The following NPFFR2 variants were observed in gnomAD, a reference collection of about 807,000 sequenced individuals.
NPFFR2 encodes G-protein coupled receptor 74.
Under a neutral mutation model 13.1 loss-of-function variants are expected in NPFFR2, and 15 were observed. The ratio of observed to expected loss-of-function variants is 1.15; its 90% CI spans 0.77 to 1.76. The LOEUF (loss-of-function observed/expected upper bound fraction) is 1.76. Ranked by LOEUF, NPFFR2 falls within the 40% of genes most tolerant of loss-of-function variation. NPFFR2 has a pLI of 0.00. For synonymous variants in NPFFR2, 190 were observed against 175.7 expected, an observed-to-expected ratio of 1.08 and a Z score of -0.65; for missense variants, 572 against 503.5, an observed-to-expected ratio of 1.14 and a Z score of -1.30.
At chr4:72,070,634 T>A (rs1172713032) in intron 1 of NPFFR2, among the ~76,000 whole-genome samples, 2 of 150,904 alleles carry the variant, frequency 1.3e-5, no homozygotes, top group Admixed American at 6.6e-5. Flanking sequence ...GTGATAGTTA[T>A]TTTATCAGAC....
chr4:72,136,942 T>C (rs1031889921), intron 2 of NPFFR2, among the ~76,000 whole-genome samples: 4 of 152,228 alleles, frequency 2.6e-5, no homozygotes, highest in Non-Finnish European at 5.9e-5. Context: ...CCTACACCTA[T>C]CATTTCAGTG....
intron 1 of NPFFR2, among the ~76,000 whole-genome samples, chr4:72,098,460 GAGT>G (rs2109807675): frequency 7.5e-5 from 1 of 13,356 alleles, no homozygotes; most frequent in African/African-American, 8.2e-5. Flanking sequence ...AAAATATTAT[GAGT>G]TTTTTTTGTC....
intron 1 of NPFFR2, among the ~76,000 whole-genome samples, chr4:72,032,780 C>A (rs921497460): frequency 1.3e-5 from 2 of 152,112 alleles, no homozygotes; most frequent in Non-Finnish European, 2.9e-5. Context: ...AACCATCAGG[C>A]ATTTTCCAAC....
chr4:72,128,541 TG>T, intron 1 of NPFFR2, 43 bp from the exon 2 acceptor site: 1 of 1,222,704 alleles, frequency 8.2e-7, no homozygotes, highest in Non-Finnish European at 1.2e-6. Flanking sequence ...TATGCTTTAC[TG>T]GTTCCTAATT....
intron 1 of NPFFR2, among the ~76,000 whole-genome samples, chr4:72,050,776 A>T (rs1395376566): frequency 2.2e-4 from 7 of 31,862 alleles, no homozygotes; most frequent in Non-Finnish European, 4.6e-4. Context: ...CCCCCACCCC[A>T]CAACAGTCCC....
intron 1 of NPFFR2, among the ~76,000 whole-genome samples, chr4:72,043,313 GC>G (rs1719283001): frequency 6.6e-6 from 1 of 152,222 alleles, no homozygotes; most frequent in African/African-American, 2.4e-5. Context: ...TGGGGTTGGA[GC>G]CCTGAGAGAG....
chr4:72,086,588 A>G (rs1720778283), intron 1 of NPFFR2, among the ~76,000 whole-genome samples: 1 of 152,142 alleles, frequency 6.6e-6, no homozygotes, highest in African/African-American at 2.4e-5. Context: ...ATTATAAGGA[A>G]ATAACTATAT....
At position 72,139,539 on chromosome 4, in the gene NPFFR2, G is replaced by A. The variant is rs143239581; in HGVS notation, c.428+1400G>A. On this transcript the variant is annotated intron_variant, in intron 3 of 3. Coordinates refer to ENST00000308744, the MANE Select transcript of NPFFR2 (RefSeq NM_004885.3). The stretch of plus-strand genomic sequence containing the variant: ...GAATCCTTTCCCATTGCTTGTTTTC[G>A]TCAGGTTTGTCAAAAATCAGATGGA... 2.8e-4 allele frequency among the ~76,000 whole-genome samples: 43 copies of A among 152,104 alleles called. No individual in the cohort carries two copies. The East Asian group carries it at 2.9e-3, about 10-fold the overall frequency.
intron 1 of NPFFR2, among the ~76,000 whole-genome samples, chr4:72,098,488 T>C (rs1721134744): frequency 6.6e-6 from 1 of 152,154 alleles, no homozygotes; most frequent in Admixed American, 6.6e-5. Context: ...TTTTTCTTTT[T>C]CAGCTCATTA....
At chr4:72,073,488 A>T (rs1560402541) in intron 1 of NPFFR2, among the ~76,000 whole-genome samples, 1 of 152,046 alleles carries the variant, frequency 6.6e-6, no homozygotes, top group Non-Finnish European at 1.5e-5. Context: ...ATAAAGGTGA[A>T]TACATATGCA....
intron 1 of NPFFR2, among the ~76,000 whole-genome samples, chr4:72,074,388 T>C (rs566725951): frequency 3.4e-4 from 52 of 152,152 alleles, no homozygotes; most frequent in African/African-American, 1.2e-3. Flanking sequence ...GCAATAAATA[T>C]TTTGAGGAAG....
At chr4:72,120,927 G>A (rs777508489) in intron 1 of NPFFR2, among the ~76,000 whole-genome samples, 1 of 152,072 alleles carries the variant, frequency 6.6e-6, no homozygotes, top group Non-Finnish European at 1.5e-5. Flanking sequence ...GTGGGCTTCA[G>A]AAGGTGGGTA....
chr4:72,089,193 G>A (rs1479762601), intron 1 of NPFFR2, among the ~76,000 whole-genome samples: 1 of 151,934 alleles, frequency 6.6e-6, no homozygotes, highest in Non-Finnish European at 1.5e-5. Flanking sequence ...GTATTCTATG[G>A]TATATATGTA....
At chr4:72,134,923 T>G (rs1301756569) in intron 2 of NPFFR2, among the ~76,000 whole-genome samples, 2 of 139,762 alleles carry the variant, frequency 1.4e-5, no homozygotes, top group African/African-American at 3.3e-5. Flanking sequence ...GTCCCCTTCT[T>G]TTTTTGGTTT....
At chr4:72,090,510 T>C (rs1253703381) in intron 1 of NPFFR2, among the ~76,000 whole-genome samples, 2 of 152,150 alleles carry the variant, frequency 1.3e-5, no homozygotes, top group Admixed American at 6.6e-5. Context: ...CAGCAGTGTT[T>C]TATAGTTTTC....
At chr4:72,065,830 T>C (rs1720050994) in intron 1 of NPFFR2, among the ~76,000 whole-genome samples, 1 of 152,132 alleles carries the variant, frequency 6.6e-6, no homozygotes, top group African/African-American at 2.4e-5. Flanking sequence ...ACCCAGATCT[T>C]CAGAAGGCTC....
chr4:72,035,500 C>T (rs1321858117), intron 1 of NPFFR2, among the ~76,000 whole-genome samples: 1 of 151,820 alleles, frequency 6.6e-6, no homozygotes, highest in Non-Finnish European at 1.5e-5. Context: ...TAGTTTAGCC[C>T]CCCCTAAAAA....
intron 3 of NPFFR2, among the ~76,000 whole-genome samples, chr4:72,144,573 C>T (rs1307770404): frequency 1.3e-5 from 2 of 152,068 alleles, no homozygotes; most frequent in Admixed American, 6.6e-5. Flanking sequence ...AATCCTTTGC[C>T]TGAATTTTAC....
At chr4:72,120,805 C>A (rs1284264511) in intron 1 of NPFFR2, among the ~76,000 whole-genome samples, 1 of 151,966 alleles carries the variant, frequency 6.6e-6, no homozygotes, top group East Asian at 1.9e-4. Flanking sequence ...TGAGGAGAAA[C>A]CAGCACAAAA....
Sources: gnomAD v4.1 joint callset for allele counts (sites outside exome capture counted in the v4.1 genomes callset) on GRCh38, gnomAD v4.1.1 for gene constraint, MANE v1.5 for transcripts, NCBI Gene and HGNC (gene_info 2026-07-23, HGNC 2026-07-21) for gene names.